Variants in NSMCE2 observed in about 807,000 individuals in gnomAD.
NSMCE2 encodes E3 SUMO-protein ligase NSE2.
In NSMCE2, 24 loss-of-function variants were observed where a neutral mutation model predicts 23.8. The ratio of observed to expected loss-of-function variants is 1.01; its 90% CI spans 0.73 to 1.42. NSMCE2 has a LOEUF of 1.42. Ranked by LOEUF, NSMCE2 falls within the 40% of genes most tolerant of loss-of-function variation. The pLI is 0.00. For missense variants in NSMCE2, 284 were observed against 296.5 expected (o/e 0.96, Z 0.31); for synonymous variants, 92 against 94.1 (o/e 0.98, Z 0.13).
intron 5 of NSMCE2, among the ~76,000 whole-genome samples, chr8:125,232,682 C>T (rs1404655543): frequency 6.6e-6 from 1 of 152,180 alleles, no homozygotes; most frequent in Non-Finnish European, 1.5e-5. Context: ...TTGGGCAACT[C>T]ATAGCCAATT....
chr8:125,239,872 A>C (rs1157771114), intron 5 of NSMCE2, among the ~76,000 whole-genome samples: 2 of 152,150 alleles, frequency 1.3e-5, no homozygotes, highest in East Asian at 1.9e-4. Context: ...GCTGTAAATA[A>C]AGATAAAAGA....
At chr8:125,138,041 G>C (rs1316153836) in intron 3 of NSMCE2, among the ~76,000 whole-genome samples, 2 of 152,148 alleles carry the variant, frequency 1.3e-5, no homozygotes, top group East Asian at 3.9e-4. Flanking sequence ...TGATGAATTA[G>C]ATAAGATTGA....
intron 4 of NSMCE2, among the ~76,000 whole-genome samples, chr8:125,152,110 A>G (rs979852616): frequency 6.6e-5 from 10 of 152,228 alleles, no homozygotes; most frequent in African/African-American, 1.9e-4. Context: ...AATGAGCATT[A>G]TATAGTTAGA....
chr8:125,280,261 TAGTCTTGTGTTTATAACTAGAGAGAAA>T (rs1366382359), intron 5 of NSMCE2, among the ~76,000 whole-genome samples: 1 of 152,236 alleles, frequency 6.6e-6, no homozygotes, highest in Non-Finnish European at 1.5e-5. Flanking sequence ...ATTGTAAACT[TAGTCTTGTGTTTATAACTAGAGAGAAA>T]CAGACCCAAA....
chr8:125,296,312 GA>G (rs1358771174), intron 5 of NSMCE2, among the ~76,000 whole-genome samples: 2 of 151,654 alleles, frequency 1.3e-5, no homozygotes, highest in Admixed American at 6.6e-5. Context: ...GAATATGCAT[GA>G]ATGAATGAGA....
chr8:125,274,057 G>C lies in NSMCE2; in HGVS notation c.419-83162G>C, dbSNP rs147231054. On this transcript the variant is annotated intron_variant, in intron 5 of 7. Transcript: ENST00000287437. ...GCTGCAGATGATTCACCTAAATGAT[G>C]ATGTCATCCTCAGAGGACTTCAGAG... Among the ~76,000 whole-genome samples, 6 of 152,242 alleles carry C rather than the reference G, an allele frequency of 3.9e-5. No individual in the cohort carries two copies. The East Asian group carries it at 1.2e-3, about 29-fold the overall frequency.
intron 4 of NSMCE2, among the ~76,000 whole-genome samples, chr8:125,157,946 G>T (rs187630088): frequency 3.9e-5 from 6 of 152,282 alleles, no homozygotes; most frequent in African/African-American, 1.4e-4. Context: ...TTGATTAAAA[G>T]AATTTCCTTA....
chr8:125,270,696 A>G (rs923697353), intron 5 of NSMCE2: 1 of 152,222 alleles, frequency 6.6e-6, no homozygotes, highest in Non-Finnish European at 1.5e-5. Flanking sequence ...GCTACAGTAC[A>G]GTATGCTGAT....
Position 125,168,443 on chromosome 8 carries a change from A to G in NSMCE2, c.265-13660A>G, listed in dbSNP as rs73348196. 1.2e-3 allele frequency among the ~76,000 whole-genome samples: 184 copies of G among 152,354 alleles called. 2 individuals are homozygous for G. Among genetic ancestry groups the G allele is most frequent in the African/African-American group, 4.1e-3 (171 of 41,576 alleles). ...GGTTCATTTGGCCTACTGTAATGGA[A>G]TACCATAAACCAGTAGCTTATGAAC... On this transcript the variant is annotated intron_variant, in intron 4 of 7. Transcript: ENST00000287437.
At chr8:125,248,748 T>C (rs1387378008) in intron 5 of NSMCE2, among the ~76,000 whole-genome samples, 1 of 152,244 alleles carries the variant, frequency 6.6e-6, no homozygotes, top group Non-Finnish European at 1.5e-5. Context: ...TTCAAGTGTA[T>C]TCTATGTATT....
intron 3 of NSMCE2, among the ~76,000 whole-genome samples, chr8:125,122,078 G>C (rs1414662762): frequency 1.4e-5 from 2 of 147,964 alleles, no homozygotes; most frequent in African/African-American, 5.0e-5. Context: ...CTCTGACACC[G>C]TTATGCCTGA....
chr8:125,182,403 C>G lies in NSMCE2; in HGVS notation c.418+147C>G, dbSNP rs955191148. On this transcript the variant is annotated intron_variant, in intron 5 of 7. Coordinates refer to ENST00000287437, the MANE Select transcript of NSMCE2 (RefSeq NM_173685.4). ...GTTGCGTTTTATTGTTGTTGCAATT[C>G]TGTATTTTGTCTAATTTTTGGTTCA... 8 of 714,688 alleles carry G rather than the reference C, an allele frequency of 1.1e-5. No homozygotes were observed. The African/African-American group carries it at 1.3e-4, about 12-fold the overall frequency. 44.3% of individuals were successfully genotyped at this position (714,688 alleles called of 1,614,324 possible).
At chr8:125,175,939 C>G (rs1444272619) in intron 4 of NSMCE2, among the ~76,000 whole-genome samples, 1 of 152,096 alleles carries the variant, frequency 6.6e-6, no homozygotes, top group African/African-American at 2.4e-5. Flanking sequence ...ATCTTTTTTC[C>G]TGAAACAACA....
chr8:125,220,827 A>G (rs1824823206), intron 5 of NSMCE2, among the ~76,000 whole-genome samples: 1 of 152,228 alleles, frequency 6.6e-6, no homozygotes, highest in Admixed American at 6.5e-5. Context: ...CATGAAATAT[A>G]TGATGAATGC....
intron 5 of NSMCE2, among the ~76,000 whole-genome samples, chr8:125,334,885 G>C (rs1830020996): frequency 1.5e-5 from 2 of 135,132 alleles, no homozygotes; most frequent in African/African-American, 5.6e-5. Flanking sequence ...CCTCCTGATA[G>C]CTGGGACTAC....
chr8:125,107,474 G>A (rs71516764), intron 3 of NSMCE2, among the ~76,000 whole-genome samples: 1 of 152,052 alleles, frequency 6.6e-6, no homozygotes, highest in Non-Finnish European at 1.5e-5. Flanking sequence ...TTACAGGCAT[G>A]AGCCACCAGG....
At chr8:125,229,271 T>G (rs1825222358) in intron 5 of NSMCE2, among the ~76,000 whole-genome samples, 1 of 152,216 alleles carries the variant, frequency 6.6e-6, no homozygotes, top group South Asian at 2.1e-4. Context: ...AAGCACTTAG[T>G]AGATCGATGA....
At chr8:125,316,182 T>C (rs1829171775) in intron 5 of NSMCE2, among the ~76,000 whole-genome samples, 1 of 152,208 alleles carries the variant, frequency 6.6e-6, no homozygotes, top group South Asian at 2.1e-4. Context: ...ATGTCTTCTT[T>C]TTCAATTCTA....
chr8:125,306,373 T>C lies in NSMCE2; in HGVS notation c.419-50846T>C, dbSNP rs573587196. Among the ~76,000 whole-genome samples, 132 of 142,744 alleles carry C rather than the reference T, an allele frequency of 9.2e-4. 1 individual carries two copies. Among genetic ancestry groups the C allele is most frequent in the Middle Eastern group, 7.0e-3 (2 of 284 alleles). 93.6% of individuals were successfully genotyped at this position (142,744 alleles called of 152,430 possible). On this transcript the variant is annotated intron_variant, in intron 5 of 7. Transcript: ENST00000287437. ...CTTATATATATTAAAAAAAAAAAAC[T>C]GAGCAACAGCTGTTTTCACCACTCA...
Sources: allele counts gnomAD v4.1 joint callset (sites outside exome capture counted in the v4.1 genomes callset), GRCh38; gene constraint gnomAD v4.1.1; transcripts MANE v1.5; gene names NCBI Gene and HGNC (gene_info 2026-07-23, HGNC 2026-07-21).